The following RALYL variants were observed in gnomAD, a reference collection of about 807,000 sequenced individuals.
RALYL encodes RALY RNA binding protein like.
RALYL carries 29 observed loss-of-function variants against 35.1 expected under a neutral mutation model. That is an observed-to-expected ratio of 0.83 (90% CI 0.61 to 1.13). The LOEUF (loss-of-function observed/expected upper bound fraction) is 1.13. RALYL is among the 50% of genes most tolerant of loss of function. The pLI is 0.00. For missense variants in RALYL, 359 were observed against 360.4 expected (o/e 1.00, Z 0.03); for synonymous variants, 120 against 127.6 (o/e 0.94, Z 0.40).
chr8:84,342,922 T>C (rs899105230), intron 1 of RALYL, among the ~76,000 whole-genome samples: 2 of 152,062 alleles, frequency 1.3e-5, no homozygotes, highest in Non-Finnish European at 2.9e-5. Flanking sequence ...AAAGTCATAA[T>C]AGAATTATGC....
chr8:84,716,998 C>A lies in RALYL; in HGVS notation c.257-57581C>A, dbSNP rs543838492. 5.3e-5 allele frequency among the ~76,000 whole-genome samples: 8 copies of A among 152,154 alleles called. No homozygotes were observed. In the South Asian group the frequency reaches 1.7e-3, roughly 32 times the overall value. ...GATCAGAAGTTTGAGACCAGCTTGA[C>A]CAACATGGTAAAACCCTCTCTCTAC... On this transcript the variant is annotated intron_variant, in intron 2 of 8. Coordinates refer to ENST00000521268, the MANE Select transcript of RALYL (RefSeq NM_173848.7).
At chr8:84,371,580 G>GAGAGAGAGAA (rs909307693) in intron 1 of RALYL, among the ~76,000 whole-genome samples, 17 of 144,868 alleles carry the variant, frequency 1.2e-4, no homozygotes, top group African/African-American at 4.3e-4. Flanking sequence ...CACAGAAAGA[G>GAGAGAGAGAA]AGAGAGAGAG....
At chr8:84,915,376 C>T (rs1848308094) in intron 8 of RALYL, among the ~76,000 whole-genome samples, 2 of 152,018 alleles carry the variant, frequency 1.3e-5, no homozygotes, top group Non-Finnish European at 2.9e-5. Flanking sequence ...GAAGATCTCA[C>T]CTGAATTTAT....
At chr8:84,388,903 A>T (rs186039204) in intron 1 of RALYL, among the ~76,000 whole-genome samples, 1 of 152,120 alleles carries the variant, frequency 6.6e-6, no homozygotes, top group African/African-American at 2.4e-5. Flanking sequence ...TGTTTTAGAC[A>T]TGAAGTCCTT....
chr8:84,424,172 CA>C (rs1187884147), intron 1 of RALYL, among the ~76,000 whole-genome samples: 1 of 150,434 alleles, frequency 6.6e-6, no homozygotes, highest in Non-Finnish European at 1.5e-5. Context: ...TTCTCCCCAT[CA>C]CTTTCAGGTA....
At chr8:84,854,165 G>T (rs926528125) in intron 5 of RALYL, among the ~76,000 whole-genome samples, 2 of 152,038 alleles carry the variant, frequency 1.3e-5, no homozygotes, top group African/African-American at 4.8e-5. Flanking sequence ...GGCCAACATG[G>T]TAAAACCCCA....
At chr8:84,546,640 A>G (rs1197886907) in intron 2 of RALYL, among the ~76,000 whole-genome samples, 1 of 152,178 alleles carries the variant, frequency 6.6e-6, no homozygotes, top group Non-Finnish European at 1.5e-5. Context: ...ATTTTTGTTT[A>G]TAAGTGAGTT....
At chr8:84,191,546 C>T (rs1474671318) in intron 1 of RALYL, among the ~76,000 whole-genome samples, 2 of 152,012 alleles carry the variant, frequency 1.3e-5, no homozygotes, top group Non-Finnish European at 2.9e-5. Flanking sequence ...GATTCTAAGT[C>T]TGGGCAGAAA....
intron 1 of RALYL, among the ~76,000 whole-genome samples, chr8:84,496,517 G>A (rs1587780407): frequency 6.6e-6 from 1 of 152,208 alleles, no homozygotes. Context: ...TATTGGCATA[G>A]TTCTCTAACC....
intron 2 of RALYL, among the ~76,000 whole-genome samples, chr8:84,706,941 C>T (rs1279519489): frequency 1.3e-5 from 2 of 152,090 alleles, no homozygotes; most frequent in Non-Finnish European, 2.9e-5. Flanking sequence ...AGACAGGTAA[C>T]GGCAACTTAC....
chr8:84,304,049 C>T (rs1030585389), intron 1 of RALYL, among the ~76,000 whole-genome samples: 3 of 151,964 alleles, frequency 2.0e-5, no homozygotes, highest in African/African-American at 7.2e-5. Context: ...GGAACTTTCT[C>T]TTTTTATTGG....
intron 2 of RALYL, among the ~76,000 whole-genome samples, chr8:84,613,734 C>A (rs1332272677): frequency 1.3e-5 from 2 of 151,260 alleles, no homozygotes; most frequent in Non-Finnish European, 2.9e-5. Context: ...TAATGCCCAA[C>A]AACATAGCTA....
intron 2 of RALYL, among the ~76,000 whole-genome samples, chr8:84,683,818 C>G (rs940451734): frequency 6.6e-6 from 1 of 152,150 alleles, no homozygotes; most frequent in Non-Finnish European, 1.5e-5. Flanking sequence ...TCCTGAGTTG[C>G]TGGGATTATA....
chr8:84,470,070 T>G (rs931043879), intron 1 of RALYL, among the ~76,000 whole-genome samples: 1 of 152,148 alleles, frequency 6.6e-6, no homozygotes, highest in Non-Finnish European at 1.5e-5. Flanking sequence ...ACCCGGTACC[T>G]CAGATGGAAA....
chr8:84,346,255 G>T (rs528361664), intron 1 of RALYL: 13 of 165,336 alleles, frequency 7.9e-5, no homozygotes, highest in Admixed American at 2.0e-4. Flanking sequence ...AAATTTAGAT[G>T]CAATGTCAGA....
intron 1 of RALYL, among the ~76,000 whole-genome samples, chr8:84,426,079 A>G (rs1390286058): frequency 6.6e-6 from 1 of 152,138 alleles, no homozygotes; most frequent in African/African-American, 2.4e-5. Context: ...TATTTATTTA[A>G]TGAAATGTAT....
chr8:84,822,339 C>T (rs1436296247), intron 4 of RALYL, among the ~76,000 whole-genome samples: 1 of 152,102 alleles, frequency 6.6e-6, no homozygotes, highest in Non-Finnish European at 1.5e-5. Flanking sequence ...TAAGGGATTG[C>T]CCAATAAATC....
chr8:84,825,955 T>C (rs1829583791), intron 4 of RALYL, among the ~76,000 whole-genome samples: 2 of 152,060 alleles, frequency 1.3e-5, no homozygotes, highest in East Asian at 1.9e-4. Context: ...ACATACACCA[T>C]GGAATACTAC....
At chr8:84,558,931 G>A (rs993209262) in intron 2 of RALYL, among the ~76,000 whole-genome samples, 4 of 151,950 alleles carry the variant, frequency 2.6e-5, no homozygotes, top group African/African-American at 4.8e-5. Context: ...GTCTGTGAAG[G>A]AACACAATAG....
Sources: allele counts gnomAD v4.1 joint callset (sites outside exome capture counted in the v4.1 genomes callset), GRCh38; gene constraint gnomAD v4.1.1; transcripts MANE v1.5; gene names NCBI Gene and HGNC (gene_info 2026-07-23, HGNC 2026-07-21).